Variants in NOP14 observed in about 807,000 individuals in gnomAD.
NOP14 encodes the protein NOP14 nucleolar protein.
A neutral mutation model predicts 101.6 loss-of-function variants in NOP14; 57 were observed. That is an observed-to-expected ratio of 0.56 (90% CI 0.45 to 0.70). NOP14 has a LOEUF of 0.70. Among genes scored for constraint, NOP14 ranks in the 30% least tolerant of loss-of-function variants. The pLI, the probability that NOP14 is intolerant of heterozygous loss-of-function variation, is 0.00. For synonymous variants in NOP14, 428 were observed against 424.0 expected, an observed-to-expected ratio of 1.01 and a Z score of -0.12; for missense variants, 1,134 against 1,075.5, an observed-to-expected ratio of 1.05 and a Z score of -0.76.
At position 2,961,105 on chromosome 4, in the gene NOP14, TTTA is replaced by T. The variant is rs1322306775; in HGVS notation, c.195+2017_195+2019del. 9.5e-3 allele frequency among the ~76,000 whole-genome samples: 372 copies of T among 39,022 alleles called. 3 individuals are homozygous for T. Among genetic ancestry groups the T allele is most frequent in the African/African-American group, 0.066 (310 of 4,698 alleles). The allele number at this position is 39,022 out of a possible 152,430, so 25.6% of individuals were successfully genotyped here. A position where few individuals can be genotyped will look rare whatever the true frequency, so the allele number is the denominator to read the frequency against. ...TAATATTATAATAATATATTAATAT[TTTA>T]ATAATATATTAATATTATAATAATA... On this transcript the variant is annotated intron_variant, in intron 1 of 17. Coordinates refer to ENST00000416614, the MANE Select transcript of NOP14 (RefSeq NM_001291978.2).
Position 2,962,559 on chromosome 4 carries a change from T to C in NOP14, c.195+566A>G, listed in dbSNP as rs778982613. Among the ~76,000 whole-genome samples the C allele has an allele frequency of 9.9e-4, 150 of 152,108 alleles. 1 individual carries two copies. The highest frequency in any genetic ancestry group is 6.8e-4 in the African/African-American group (28 of 41,420). On this transcript the variant is annotated intron_variant, in intron 1 of 17. Coordinates refer to ENST00000416614, the MANE Select transcript of NOP14 (RefSeq NM_001291978.2). ...TTGTAGATATTGAAATGTGAATGCA[T>C]GCCCAGCCCTTACCAGGTGCGTGAC...
Position 2,938,413 on chromosome 4 carries a change from G to T in NOP14, c.*418C>A, listed in dbSNP as rs1366510723. 1 of 363,728 alleles carries T rather than the reference G, an allele frequency of 2.7e-6. No individual in the cohort carries two copies. The highest frequency in any genetic ancestry group is 5.4e-6 in the Non-Finnish European group (1 of 184,954). 22.5% of individuals were successfully genotyped at this position (363,728 alleles called of 1,614,324 possible). ...CACATGTCTGTAATCCCAGCTACTC[G>T]GGAGGCTGAGGCAGGAGAATCGCTT... is the stretch of plus-strand genomic sequence containing the variant. On this transcript the variant is annotated 3_prime_UTR_variant, in exon 18 of 18. Transcript: ENST00000416614.
At chr4:2,961,260 A>AATATAGTATATTAAT (rs1560312377) in intron 1 of NOP14, 11 of 145,156 alleles carry the variant, frequency 7.6e-5, no homozygotes, top group Non-Finnish European at 1.5e-4. Flanking sequence ...CTATATTAAT[A>AATATAGTATATTAAT]ATATAGTTAG....
intron 3 of NOP14, among the ~76,000 whole-genome samples, chr4:2,956,430 A>T (rs1325490489): frequency 6.6e-6 from 1 of 152,214 alleles, no homozygotes; most frequent in Non-Finnish European, 1.5e-5. Context: ...ATGGATATCA[A>T]CATGCTTTCT....
chr4:2,945,909 G>A (rs529809365), intron 11 of NOP14, among the ~76,000 whole-genome samples: 6 of 151,986 alleles, frequency 3.9e-5, no homozygotes, highest in African/African-American at 1.2e-4. Context: ...GCTCGCTGCC[G>A]TGCACTCTCA....
Position 2,963,311 on chromosome 4 carries a change from C to T in NOP14, c.9G>A (p.Lys3=). 2 of 1,583,294 alleles carry T rather than the reference C, an allele frequency of 1.3e-6. No homozygotes were observed. The highest frequency in any genetic ancestry group is 2.4e-5 in the East Asian group (1 of 41,658). ...TCCTTCGCGCCCCGACCTTCTTCGC[C>T]TTCGCCATGGCGCGCGCCCCGCTGC... MA[K]AKKVGARRKA... is the part of the protein sequence containing the mutation. The change falls in exon 1 of 18, where the codon AAG becomes AAA. Residue 3 remains lysine (K), a synonymous_variant. Coordinates refer to ENST00000416614, the MANE Select transcript of NOP14 (RefSeq NM_001291978.2).
intron 17 of NOP14, 116 bp from the exon 18 acceptor site, chr4:2,939,046 G>C: frequency 1.4e-6 from 2 of 1,480,400 alleles, no homozygotes; most frequent in Non-Finnish European, 1.9e-6. Flanking sequence ...AGTTCAAACA[G>C]GGGGAAGTGA....
Position 2,952,256 on chromosome 4 carries a change from T to C in NOP14, c.870+19A>G. The stretch of plus-strand genomic sequence containing the variant: ...ACGGACAGCAGCACAGCCCTGCTCC[T>C]GAGGTGCTGCCACCCTACCTCCAGC... On this transcript the variant is annotated intron_variant, in intron 6 of 17. Coordinates refer to ENST00000416614, the MANE Select transcript of NOP14 (RefSeq NM_001291978.2). 6.2e-7 allele frequency: 1 copy of C among 1,612,332 alleles called. No homozygotes were observed. Among genetic ancestry groups the C allele is most frequent in the East Asian group, 2.2e-5 (1 of 44,872 alleles).
chr4:2,943,687 G>C (rs1311166376), intron 13 of NOP14, among the ~76,000 whole-genome samples: 2 of 152,258 alleles, frequency 1.3e-5, no homozygotes, highest in African/African-American at 4.8e-5. Context: ...AAAGTAAAAA[G>C]TTAAGATTGA....
At chr4:2,946,635 C>A in intron 10 of NOP14, 88 bp from the exon 11 acceptor site, 2 of 1,212,704 alleles carry the variant, frequency 1.6e-6, no homozygotes, top group Non-Finnish European at 2.4e-6. Flanking sequence ...TATGCAGTCA[C>A]CTGTTGACTG....
At position 2,953,214 on chromosome 4, in the gene NOP14, G is replaced by C. The variant is rs560703775; in HGVS notation, c.747+297C>G. Among the ~76,000 whole-genome samples, 8 of 152,334 alleles carry C rather than the reference G, an allele frequency of 5.3e-5. No homozygotes were observed. In the South Asian group the frequency reaches 1.2e-3, roughly 24 times the overall value. ...TAAATGTATGTATTATGTATCAACA[G>C]ACAAACATGTCACAGGGAAGTTCAG... On this transcript the variant is annotated intron_variant, in intron 5 of 17. Coordinates refer to ENST00000416614, the MANE Select transcript of NOP14 (RefSeq NM_001291978.2).
In NOP14 at chr4:2,953,522, C is replaced by A; in HGVS notation, c.736G>T (p.Glu246Ter). 6.2e-7 allele frequency: 1 copy of A among 1,613,922 alleles called. No homozygotes were observed. Among genetic ancestry groups the A allele is most frequent in the Non-Finnish European group, 8.5e-7 (1 of 1,179,938 alleles). ...TACTTGGCTCCCACCTTGGGTTTTT[C>A]CTTTTTGTCTCTGTTCTCTGACTTG... ...TPKSENRDKK[E>*]KPKPDAYDMM... is the part of the protein sequence containing the mutation. Residue 246 changes from glutamate (E) to a stop codon, truncating the protein, a stop_gained, in exon 5 of 18, where the codon GAA becomes TAA. Transcript: ENST00000416614. LOFTEE classifies it high-confidence loss of function.
At chr4:2,961,105 T>TA (rs1560311827) in intron 1 of NOP14, among the ~76,000 whole-genome samples, 101 of 39,028 alleles carry the variant, frequency 2.6e-3, no homozygotes, top group African/African-American at 0.02. Flanking sequence ...ATATTAATAT[T>TA]TTAATAATAT....
intron 1 of NOP14, among the ~76,000 whole-genome samples, chr4:2,962,862 C>G (rs1011364511): frequency 1.3e-5 from 2 of 152,194 alleles, no homozygotes; most frequent in Non-Finnish European, 2.9e-5. Flanking sequence ...CAGGGCGCCG[C>G]CCGAAGTGAC....
intron 3 of NOP14, among the ~76,000 whole-genome samples, chr4:2,955,316 C>T (rs1405128082): frequency 8.6e-5 from 7 of 81,170 alleles, no homozygotes; most frequent in Admixed American, 2.1e-4. Context: ...CTGCACGCCA[C>T]GGCGCCCCCT....
intron 9 of NOP14, among the ~76,000 whole-genome samples, chr4:2,947,831 G>A (rs1176607285): frequency 3.9e-5 from 6 of 152,172 alleles, no homozygotes; most frequent in Admixed American, 1.3e-4. Flanking sequence ...AGGGCAAGGC[G>A]CATCCTTCTA....
Position 2,939,528 on chromosome 4 carries a change from C to G in NOP14, c.2317G>C (p.Val773Leu). 1 of 1,613,712 alleles carries G rather than the reference C, an allele frequency of 6.2e-7. No individual in the cohort carries two copies. Among genetic ancestry groups the G allele is most frequent in the Non-Finnish European group, 8.5e-7 (1 of 1,179,860 alleles). ...CAGGGAGATGCTGCCAGCACCCACA[C>G]TTTGACCAGCCGGGGTGTGAAAAGC... The part of the protein sequence containing the change: ...LKLFTPRLVK[V>L]LEFGRKQGSS... The change falls in exon 16 of 18, where the codon GTC becomes CTC. Residue 773 changes from valine (V) to leucine (L), a missense_variant and splice_region_variant. Coordinates refer to ENST00000416614, the MANE Select transcript of NOP14 (RefSeq NM_001291978.2).
rs753758109 is a variant in NOP14 at position 2,954,462 on chromosome 4, G to C, written c.574C>G (p.Leu192Val). ...GACTTGGCAATGAGCTCTTCAATCA[G>C]CTCTTTCCGGGACTTCGGTTTCTCC... ...EREKPKSRKE[L>V]IEELIAKSKQ... Residue 192 changes from leucine to valine, a missense_variant, in exon 4 of 18, where the codon CTG (leucine) becomes GTG (valine). Physicochemically the swap from Leu to Val is conservative, Grantham distance 32 (BLOSUM62 1). Transcript: ENST00000416614. 6.8e-6 allele frequency: 11 copies of C among 1,614,036 alleles called. No individual in the cohort carries two copies. Among genetic ancestry groups the C allele is most frequent in the Non-Finnish European group, 6.8e-6 (8 of 1,180,024 alleles).
In NOP14 at chr4:2,941,523, C is replaced by G. The variant is rs973484365; in HGVS notation, c.2199+59G>C. On this transcript the variant is annotated intron_variant, in intron 15 of 17. Transcript: ENST00000416614. The stretch of plus-strand genomic sequence containing the variant: ...AATGACTGACTGCCACCAGCTTGGC[C>G]CCAGCTCAGGGACATGTCTGAGCCC... 5 of 1,541,626 alleles carry G rather than the reference C, an allele frequency of 3.2e-6. No individual in the cohort carries two copies. In the Admixed American group the frequency reaches 8.1e-5, roughly 25 times the overall value.
Sources: gnomAD v4.1 joint callset for allele counts (sites outside exome capture counted in the v4.1 genomes callset) on GRCh38, gnomAD v4.1.1 for gene constraint, MANE v1.5 for transcripts, NCBI Gene and HGNC (gene_info 2026-07-23, HGNC 2026-07-21) for gene names.